Variants in PSMG4 observed in about 807,000 individuals in gnomAD.
The protein encoded by PSMG4 is proteasome (prosome, macropain) assembly chaperone 4.
PSMG4 carries 10 observed loss-of-function variants against 11.0 expected under a neutral mutation model. The ratio of observed to expected loss-of-function variants is 0.91; its 90% CI spans 0.56 to 1.54. The LOEUF (loss-of-function observed/expected upper bound fraction) is 1.54, where lower values mean the gene tolerates loss of function less well. PSMG4 is among the 40% of genes most tolerant of loss of function. The pLI is 0.00. For synonymous variants in PSMG4, 95 were observed against 71.3 expected (o/e 1.33, Z -1.68); for missense variants, 198 against 160.9 (o/e 1.23, Z -1.25).
chr6:3,261,112 G>C (rs144322029), intron 1 of PSMG4, among the ~76,000 whole-genome samples: 13 of 152,370 alleles, frequency 8.5e-5, no homozygotes, highest in African/African-American at 2.6e-4. Flanking sequence ...AGGCAGTGAT[G>C]ACTGAGGGTG....
intron 2 of PSMG4, 142 bp from the exon 3 acceptor site, chr6:3,267,447 AAG>A: frequency 2.3e-6 from 2 of 875,586 alleles, no homozygotes; most frequent in Non-Finnish European, 3.3e-6. Context: ...CACCTGTCTG[AAG>A]AGAGGCATGG....
At chr6:3,266,642 C>T (rs1173300980) in intron 2 of PSMG4, 2 of 152,146 alleles carry the variant, frequency 1.3e-5, no homozygotes, top group Non-Finnish European at 2.9e-5. Context: ...GCCCAATGTG[C>T]ACCTCAGCCA....
At chr6:3,255,060 C>G, upstream of PSMG4, 1 of 1,550,918 alleles carries the variant, frequency 6.4e-7, no homozygotes, top group Non-Finnish European at 8.7e-7. Context: ...GGAACAAACA[C>G]ACTTGGAATA....
Position 3,259,084 on chromosome 6 carries a change from TG to T in PSMG4, c.63del (p.Trp22GlyfsTer12), listed in dbSNP as rs1413140114. ...TCCCTGCACAACTTCAGCGCGAGGCTGTGGGAGCAGCTGGTCCACTTCCACG... is the reference window on the plus strand; with the variant it reads ...TCCCTGCACAACTTCAGCGCGAGGCTTGGGAGCAGCTGGTCCACTTCCACG... ...DVSLHNFSAR[L>X]WEQLVHFHVM... On this transcript the variant is annotated frameshift_variant, in exon 1 of 3. Coordinates refer to ENST00000438998, the MANE Select transcript of PSMG4 (RefSeq NM_001128591.2). LOFTEE classifies it high-confidence loss of function. 7.9e-7 allele frequency: 1 copy of T among 1,271,262 alleles called. No homozygotes were observed. The highest frequency in any genetic ancestry group is 4.2e-5 in the Admixed American group (1 of 23,962). 78.7% of individuals were successfully genotyped at this position (1,271,262 alleles called of 1,614,324 possible).
upstream of PSMG4, chr6:3,258,784 G>A (rs1757847683): frequency 2.7e-6 from 1 of 371,414 alleles, no homozygotes. Flanking sequence ...GTGCGGGAGA[G>A]GCCAGCAAGA....
chr6:3,254,503 A>G (rs4434509), upstream of PSMG4, among the ~76,000 whole-genome samples: 133,040 of 151,738 alleles, frequency 0.88, 58,465 homozygotes, highest in African/African-American at 0.9. Flanking sequence ...TTTTTTGTGT[A>G]TGTGTTGGGT....
intron 1 of PSMG4, among the ~76,000 whole-genome samples, chr6:3,262,006 A>G (rs956985745): frequency 5.3e-5 from 8 of 152,200 alleles, no homozygotes; most frequent in African/African-American, 1.9e-4. Context: ...CACATGTGAG[A>G]CTGTAGAGAA....
At chr6:3,263,971 G>A (rs1758089947) in intron 2 of PSMG4, 4 of 1,343,434 alleles carry the variant, frequency 3.0e-6, no homozygotes, top group Middle Eastern at 2.3e-4. Context: ...GGGCTGGCCT[G>A]TTCCCAAAGG....
chr6:3,254,766 C>T (rs753732162), upstream of PSMG4, among the ~76,000 whole-genome samples: 2 of 152,210 alleles, frequency 1.3e-5, no homozygotes, highest in East Asian at 1.9e-4. Flanking sequence ...CTGTAATGCT[C>T]ACCTGTAGGG....
intron 1 of PSMG4, among the ~76,000 whole-genome samples, chr6:3,262,709 T>A (rs1362440315): frequency 6.6e-6 from 1 of 152,124 alleles, no homozygotes; most frequent in Non-Finnish European, 1.5e-5. Context: ...CTTTCCAAGA[T>A]TCTCAGACCT....
chr6:3,267,330 C>T lies in PSMG4; in HGVS notation c.251-261C>T, dbSNP rs1281437049. 3 of 308,536 alleles carry T rather than the reference C, an allele frequency of 9.7e-6. No homozygotes were observed. In the Admixed American group the frequency reaches 1.3e-4, roughly 14 times the overall value. The allele number at this position is 308,536 out of a possible 1,614,324, so 19.1% of individuals were successfully genotyped here. A position where few individuals can be genotyped will look rare whatever the true frequency, so the allele number is the denominator to read the frequency against. On this transcript the variant is annotated intron_variant, in intron 2 of 2. Coordinates refer to ENST00000438998, the MANE Select transcript of PSMG4 (RefSeq NM_001128591.2). Reference sequence around the variant, plus strand: ...GGGCTGGGTGGGGCCCAGCAGCTGCCTCTCGAACAAGTTCCAGGGAGGCTG... The same window carrying T: ...GGGCTGGGTGGGGCCCAGCAGCTGCTTCTCGAACAAGTTCCAGGGAGGCTG...
At chr6:3,257,089 G>C (rs1035350741), upstream of PSMG4, among the ~76,000 whole-genome samples, 1 of 152,206 alleles carries the variant, frequency 6.6e-6, no homozygotes, top group African/African-American at 2.4e-5. Flanking sequence ...ATGAAGATAA[G>C]CATTTTAGGA....
At position 3,259,000 on chromosome 6, in the gene PSMG4, T is replaced by TG. The variant is rs1757858747; in HGVS notation, c.-20dup. ...CGGCGAGGACCCGGGTCTGGCGCTG[T>TG]GGGCCGGGAGCCGTGGGGCGGCATG... On this transcript the variant is annotated 5_prime_UTR_variant, in exon 1 of 3. Transcript: ENST00000438998. 1.6e-6 allele frequency: 2 copies of TG among 1,240,414 alleles called. No homozygotes were observed. The highest frequency in any genetic ancestry group is 8.4e-5 in the Admixed American group (2 of 23,718). 76.8% of individuals were successfully genotyped at this position (1,240,414 alleles called of 1,614,324 possible).
intron 2 of PSMG4, chr6:3,264,381 A>T: frequency 6.6e-7 from 1 of 1,523,658 alleles, no homozygotes; most frequent in Non-Finnish European, 8.8e-7. Flanking sequence ...GCCAGTGTGC[A>T]CAGGATGCCT....
At chr6:3,259,344 C>A in intron 1 of PSMG4, 148 bp downstream of exon 1, 1 of 748,748 alleles carries the variant, frequency 1.3e-6, no homozygotes, top group Non-Finnish European at 1.8e-6. Flanking sequence ...TTAGGAAGCC[C>A]GCGGGCGCCA....
upstream of PSMG4, among the ~76,000 whole-genome samples, chr6:3,256,225 G>C (rs1260973410): frequency 6.6e-6 from 1 of 152,156 alleles, no homozygotes; most frequent in Non-Finnish European, 1.5e-5. Context: ...CACTATGATA[G>C]CTCCTACCCT....
chr6:3,263,902 C>T, intron 2 of PSMG4, 143 bp downstream of exon 2: 1 of 1,445,580 alleles, frequency 6.9e-7, no homozygotes, highest in Non-Finnish European at 9.2e-7. Context: ...CAGACCTTTG[C>T]ACGTTGGGTC....
upstream of PSMG4, chr6:3,255,229 G>C (rs1581540409): frequency 6.5e-7 from 1 of 1,549,576 alleles, no homozygotes; most frequent in Non-Finnish European, 8.7e-7. Flanking sequence ...AATCAACTCT[G>C]GTAAGCCTTC....
upstream of PSMG4, among the ~76,000 whole-genome samples, chr6:3,254,744 C>G (rs576133745): frequency 1.6e-4 from 25 of 152,170 alleles, no homozygotes; most frequent in Non-Finnish European, 2.5e-4. Context: ...CCCCCTGTGC[C>G]TCTTTTAAAA....
Sources: allele counts gnomAD v4.1 joint callset (sites outside exome capture counted in the v4.1 genomes callset), GRCh38; gene constraint gnomAD v4.1.1; transcripts MANE v1.5; gene names NCBI Gene and HGNC (gene_info 2026-07-23, HGNC 2026-07-21).